The following IPO7 variants were observed in gnomAD, a reference collection of about 807,000 sequenced individuals.
IPO7 encodes the protein importin-7.
Under a neutral mutation model 136.4 loss-of-function variants are expected in IPO7, and 13 were observed. The ratio of observed to expected loss-of-function variants is 0.10; its 90% CI spans 0.06 to 0.15. IPO7 has a LOEUF of 0.15. IPO7 is among the 10% of genes least tolerant of loss of function. IPO7 has a pLI of 1.00. For synonymous variants in IPO7, 403 were observed against 404.4 expected, an observed-to-expected ratio of 1.00 and a Z score of 0.04; for missense variants, 857 against 1,240.6, an observed-to-expected ratio of 0.69 and a Z score of 4.65.
rs1220513941 is a variant in IPO7, at chr11:9,445,184, G to A, written c.3107G>A (p.Gly1036Glu). 5 of 1,582,592 alleles carry A rather than the reference G, an allele frequency of 3.2e-6. No individual in the cohort carries two copies. In the South Asian group the frequency reaches 5.5e-5, roughly 17 times the overall value. The change falls in exon 25 of 25, where the codon GGG (glycine) becomes GAG (glutamate). Residue 1036 changes from glycine (G) to glutamate (E), a missense_variant. Physicochemically the swap from Gly to Glu is moderately conservative, Grantham distance 98. Transcript: ENST00000379719. ...TTCAATTTTGGAGGCCCAGCACCAG[G>A]GATGAATTGAGTTATCTCTTTCTTT... is the stretch of plus-strand genomic sequence containing the variant. ...SSFNFGGPAP[G>E]MN
At chr11:9,434,866 AT>A (rs1292448959) in intron 18 of IPO7, 67 bp from the exon 19 acceptor site, 7 of 1,113,822 alleles carry the variant, frequency 6.3e-6, no homozygotes, top group Non-Finnish European at 9.5e-6. Context: ...TTCTAAGGAA[AT>A]TTTTCAAAAG....
chr11:9,388,162 A>AAAAT (rs1248082196), intron 1 of IPO7, among the ~76,000 whole-genome samples: 1 of 151,068 alleles, frequency 6.6e-6, no homozygotes, highest in African/African-American at 2.4e-5. Flanking sequence ...AATAAAAATA[A>AAAAT]AAATAAATAA....
rs1442262059 is a variant in IPO7 at position 9,410,051 on chromosome 11, T to C, written c.444T>C (p.Ile148=). The change falls in exon 4 of 25, where the codon ATT becomes ATC. Residue 148 remains isoleucine, a synonymous_variant. Coordinates refer to ENST00000379719, the MANE Select transcript of IPO7 (RefSeq NM_006391.3). ...ATAACAGTGCTTGTTGGCTAGGAAT[T>C]CTTCTTTGCCTTTATCAGCTTGTGA... ...QSDNSACWLG[I]LLCLYQLVKN... is the part of the protein sequence containing the mutation. The C allele has an allele frequency of 6.2e-7, 1 of 1,604,048 alleles. No individual in the cohort carries two copies. Among genetic ancestry groups the C allele is most frequent in the Admixed American group, 1.7e-5 (1 of 57,990 alleles).
chr11:9,416,042 A>G (rs1855038279), intron 5 of IPO7, among the ~76,000 whole-genome samples: 1 of 152,196 alleles, frequency 6.6e-6, no homozygotes, highest in Non-Finnish European at 1.5e-5. Context: ...TAAATAAATC[A>G]GAGCCAGGCA....
At chr11:9,439,145 T>C (rs1855425623) in intron 22 of IPO7, among the ~76,000 whole-genome samples, 2 of 152,182 alleles carry the variant, frequency 1.3e-5, no homozygotes, top group Non-Finnish European at 2.9e-5. Flanking sequence ...GACGGAGTTT[T>C]GCTCCTGTTG....
chr11:9,440,396 A>G, intron 22 of IPO7, 59 bp from the exon 23 acceptor site: 1 of 1,362,554 alleles, frequency 7.3e-7, no homozygotes, highest in Non-Finnish European at 1.0e-6. Flanking sequence ...ATGATTGTCA[A>G]TTTGTTGAGT....
intron 12 of IPO7, 109 bp from the exon 13 acceptor site, chr11:9,428,431 A>T: frequency 2.0e-6 from 1 of 505,926 alleles, no homozygotes; most frequent in Non-Finnish European, 3.5e-6. Context: ...AAGAATGAGA[A>T]TAAATATATG....
rs546799167 is a variant in IPO7 at position 9,429,219 on chromosome 11, GA to G, written c.1591+27del. On this transcript the variant is annotated intron_variant, in intron 14 of 24. Transcript: ENST00000379719. Reference sequence around the variant, plus strand: ...AAGGTAAAGGATTTTTGTATGTCAAGAAAAGTGAATGTTGGCCAGGTGCGGT... The same window carrying G: ...AAGGTAAAGGATTTTTGTATGTCAAGAAAGTGAATGTTGGCCAGGTGCGGT... 52 of 1,603,370 alleles carry G rather than the reference GA, an allele frequency of 3.2e-5. No individual in the cohort carries two copies. In the East Asian group the frequency reaches 1.1e-3, roughly 33 times the overall value.
intron 15 of IPO7, chr11:9,430,572 A>G (rs1291970978): frequency 1.6e-5 from 4 of 244,334 alleles, no homozygotes; most frequent in Non-Finnish European, 3.1e-5. Context: ...AATATTAATG[A>G]AAACTATTCA....
chr11:9,442,408 T>TG (rs937613281), intron 24 of IPO7, among the ~76,000 whole-genome samples: 29 of 152,102 alleles, frequency 1.9e-4, no homozygotes, highest in African/African-American at 6.5e-4. Flanking sequence ...TTTCGTTTTT[T>TG]TTTGTTTGTT....
chr11:9,444,457 G>A (rs918867642), intron 24 of IPO7, among the ~76,000 whole-genome samples: 4 of 151,402 alleles, frequency 2.6e-5, no homozygotes, highest in Non-Finnish European at 4.4e-5. Flanking sequence ...TCCATCTCCC[G>A]ATTTCAAGTG....
intron 5 of IPO7, chr11:9,414,619 C>CTTCTTTT (rs1855014351): frequency 7.0e-5 from 5 of 71,068 alleles, no homozygotes; most frequent in Non-Finnish European, 1.3e-4. Flanking sequence ...CCTAATGAAT[C>CTTCTTTT]TTTTTTTTTT....
At position 9,414,372 on chromosome 11, in the gene IPO7, C is replaced by G; in HGVS notation, c.597C>G (p.Ile199Met). ...LSDQSDQSVL[I>M]QKQIFKIFYA... ...ACCAGTCTGATCAGTCTGTCCTCAT[C>G]CAGAAACAGATATTCAAGATCTTCT... The change falls in exon 5 of 25, where the codon ATC becomes ATG. Residue 199 changes from isoleucine (I) to methionine (M), a missense_variant. By Grantham distance (10) the Ile-to-Met change is conservative. Coordinates refer to ENST00000379719, the MANE Select transcript of IPO7 (RefSeq NM_006391.3). The G allele has an allele frequency of 6.2e-7, 1 of 1,610,618 alleles. No individual in the cohort carries two copies. Among genetic ancestry groups the G allele is most frequent in the Non-Finnish European group, 8.5e-7 (1 of 1,178,074 alleles).
rs939178979 is a variant in IPO7, at chr11:9,422,258, CAAATAAAT to C, written c.907-736_907-729del. On this transcript the variant is annotated intron_variant, in intron 8 of 24. Coordinates refer to ENST00000379719, the MANE Select transcript of IPO7 (RefSeq NM_006391.3). ...TGCACCATTGAGCAAAACTCCATCT[CAAATAAAT>C]AAATAAATAAACAAATAAATAAATA... Among the ~76,000 whole-genome samples, 29 of 151,796 alleles carry C rather than the reference CAAATAAAT, an allele frequency of 1.9e-4. No individual in the cohort carries two copies. The East Asian group carries it at 5.2e-3, about 27-fold the overall frequency.
chr11:9,390,538 T>A (rs1282800012), intron 1 of IPO7, among the ~76,000 whole-genome samples: 1 of 152,252 alleles, frequency 6.6e-6, no homozygotes, highest in East Asian at 1.9e-4. Context: ...GCCTGTAGTT[T>A]AGATAACATT....
intron 15 of IPO7, 148 bp from the exon 16 acceptor site, chr11:9,430,727 C>G: frequency 3.0e-6 from 2 of 667,324 alleles, no homozygotes; most frequent in South Asian, 4.1e-5. Flanking sequence ...GATTATAGAG[C>G]TTAAGCTCTT....
intron 6 of IPO7, among the ~76,000 whole-genome samples, chr11:9,418,751 C>G (rs74705247): frequency 0.019 from 2,895 of 152,170 alleles, 32 homozygotes; most frequent in South Asian, 0.029. Flanking sequence ...AGTGAGTTAG[C>G]ACAATTATTA....
chr11:9,418,284 T>C (rs1408209848), intron 6 of IPO7, among the ~76,000 whole-genome samples: 1 of 150,774 alleles, frequency 6.6e-6, no homozygotes, highest in Admixed American at 6.6e-5. Flanking sequence ...TTGGCCAGGG[T>C]GGTCTTAAAC....
Position 9,389,765 on chromosome 11 carries a change from CT to C in IPO7, c.84+4931del, listed in dbSNP as rs779473412. Among the ~76,000 whole-genome samples the C allele has an allele frequency of 7.7e-3, 1,108 of 144,366 alleles. 2 individuals carry two copies. The highest frequency in any genetic ancestry group is 0.011 in the Middle Eastern group (3 of 278). 94.7% of individuals were successfully genotyped at this position (144,366 alleles called of 152,430 possible). On this transcript the variant is annotated intron_variant, in intron 1 of 24. Coordinates refer to ENST00000379719, the MANE Select transcript of IPO7 (RefSeq NM_006391.3). ...ATAATGGTTATATATGTATATACAC[CT>C]TTTTTTTTTTTTGAGTGGAGTTTCG... is the stretch of plus-strand genomic sequence containing the variant.
Sources: allele counts gnomAD v4.1 joint callset (sites outside exome capture counted in the v4.1 genomes callset), GRCh38; gene constraint gnomAD v4.1.1; transcripts MANE v1.5; gene names NCBI Gene and HGNC (gene_info 2026-07-23, HGNC 2026-07-21).